GRIK1: variants seen among roughly 807,000 people sequenced by gnomAD.
GRIK1 encodes glutamate ionotropic receptor kainate type subunit 1, also known as glutamate receptor ionotropic, kainate 1.
A neutral mutation model predicts 105.7 loss-of-function variants in GRIK1; 69 were observed. The observed-to-expected ratio is 0.65, with a 90% CI of 0.54 to 0.80. The LOEUF (loss-of-function observed/expected upper bound fraction) is 0.80. GRIK1 is among the 30% of genes least tolerant of loss of function. The pLI is 0.00. For missense variants in GRIK1, 1,109 were observed against 1,167.3 expected (o/e 0.95, Z 0.73); for synonymous variants, 438 against 431.3 (o/e 1.02, Z -0.19).
chr21:29,926,886 C>T (rs2832488), intron 1 of GRIK1, among the ~76,000 whole-genome samples: 103,919 of 152,000 alleles, frequency 0.68, 35,724 homozygotes, highest in East Asian at 0.83. Flanking sequence ...TATCATACTG[C>T]CTATTTTCTC....
At chr21:29,889,157 A>C (rs2069795346) in intron 1 of GRIK1, among the ~76,000 whole-genome samples, 2 of 152,188 alleles carry the variant, frequency 1.3e-5, no homozygotes, top group Non-Finnish European at 1.5e-5. Context: ...TGACAACAGA[A>C]TACCAAATAA....
chr21:29,844,691 C>T (rs1022476413), intron 1 of GRIK1, among the ~76,000 whole-genome samples: 6 of 152,336 alleles, frequency 3.9e-5, no homozygotes, highest in Middle Eastern at 3.4e-3. Context: ...AATACCCTCA[C>T]ATATATTCTC....
At chr21:29,575,474 T>G (rs1370109890) in intron 14 of GRIK1, among the ~76,000 whole-genome samples, 2 of 151,796 alleles carry the variant, frequency 1.3e-5, no homozygotes, top group African/African-American at 4.8e-5. Context: ...GAAATAAGAA[T>G]GAAAGAAGAA....
At chr21:29,661,054 C>T (rs1216496979) in intron 4 of GRIK1, among the ~76,000 whole-genome samples, 1 of 152,072 alleles carries the variant, frequency 6.6e-6, no homozygotes, top group Non-Finnish European at 1.5e-5. Flanking sequence ...GCCTCTTTGG[C>T]CATGCAATTT....
At chr21:29,573,576 G>T (rs2090808835) in intron 14 of GRIK1, among the ~76,000 whole-genome samples, 1 of 151,908 alleles carries the variant, frequency 6.6e-6, no homozygotes, top group South Asian at 2.1e-4. Flanking sequence ...GGGGCCGGGC[G>T]CAGTGGCTCA....
At chr21:29,636,023 T>C (rs2062391734) in intron 7 of GRIK1, among the ~76,000 whole-genome samples, 1 of 152,192 alleles carries the variant, frequency 6.6e-6, no homozygotes, top group Admixed American at 6.5e-5. Flanking sequence ...AACTGTCTGC[T>C]AAGCCCAGAA....
At chr21:29,895,751 G>A (rs575844423) in intron 1 of GRIK1, among the ~76,000 whole-genome samples, 75 of 152,314 alleles carry the variant, frequency 4.9e-4, no homozygotes, top group African/African-American at 1.6e-3. Flanking sequence ...TTTGGAATCA[G>A]ACGTATAAGA....
At chr21:29,917,372 C>T (rs2071033547) in intron 1 of GRIK1, among the ~76,000 whole-genome samples, 1 of 151,992 alleles carries the variant, frequency 6.6e-6, no homozygotes, top group South Asian at 2.1e-4. Flanking sequence ...GTTTCTGCTG[C>T]CATTTTACTA....
intron 7 of GRIK1, among the ~76,000 whole-genome samples, chr21:29,642,315 A>G (rs363594): frequency 0.065 from 9,828 of 152,290 alleles, 434 homozygotes; most frequent in African/African-American, 0.12. Context: ...TTATGTGCTC[A>G]GTAGGTTTTG....
At chr21:29,697,085 T>A (rs763314543) in intron 1 of GRIK1, among the ~76,000 whole-genome samples, 3 of 152,232 alleles carry the variant, frequency 2.0e-5, no homozygotes, top group Non-Finnish European at 1.5e-5. Flanking sequence ...TGGGACTGAC[T>A]CAGTTGTCTG....
chr21:29,631,962 G>A (rs1380604810), intron 7 of GRIK1, among the ~76,000 whole-genome samples: 1 of 150,740 alleles, frequency 6.6e-6, no homozygotes, highest in Non-Finnish European at 1.5e-5. Context: ...ATTAAGTAAT[G>A]AAGCATTGTG....
rs73897678 is a variant in GRIK1, at chr21:29,547,206, A to G, written c.2607+7846T>C. ...GTCTGTAATGATTTGCTTATGATTC[A>G]TTAGATGGGAACCTTCTTGCTTCTT... On this transcript the variant is annotated intron_variant, in intron 16 of 17. Transcript: ENST00000327783. Among the ~76,000 whole-genome samples the G allele has an allele frequency of 4.3e-3, 654 of 152,286 alleles. 2 individuals are homozygous for G. The highest frequency in any genetic ancestry group is 0.015 in the African/African-American group (608 of 41,566).
intron 1 of GRIK1, chr21:29,758,710 C>T (rs997372901): frequency 6.6e-6 from 1 of 152,634 alleles, no homozygotes; most frequent in Non-Finnish European, 1.5e-5. Flanking sequence ...CCTGTATTTG[C>T]TTACATAGTC....
intron 1 of GRIK1, among the ~76,000 whole-genome samples, chr21:29,917,459 T>G (rs887235940): frequency 4.6e-5 from 7 of 152,046 alleles, no homozygotes; most frequent in Non-Finnish European, 7.4e-5. Context: ...GTGCCTTTAT[T>G]TTTATTCAGA....
chr21:29,743,159 A>G (rs1429350940), intron 1 of GRIK1, among the ~76,000 whole-genome samples: 2 of 152,190 alleles, frequency 1.3e-5, no homozygotes, highest in East Asian at 1.9e-4. Flanking sequence ...ATGTAAATGT[A>G]TACATACAGA....
intron 1 of GRIK1, among the ~76,000 whole-genome samples, chr21:29,740,744 A>T (rs2064906371): frequency 1.3e-5 from 2 of 152,192 alleles, no homozygotes; most frequent in Admixed American, 6.5e-5. Context: ...AAATATTTGA[A>T]AGTGCTCAAC....
At chr21:29,642,165 A>G (rs1347059564) in intron 7 of GRIK1, among the ~76,000 whole-genome samples, 3 of 152,164 alleles carry the variant, frequency 2.0e-5, no homozygotes, top group Non-Finnish European at 2.9e-5. Flanking sequence ...ATCGATAAGG[A>G]GTCACGGGGC....
intron 4 of GRIK1, among the ~76,000 whole-genome samples, chr21:29,662,966 T>C (rs1482474536): frequency 2.0e-5 from 3 of 152,222 alleles, no homozygotes; most frequent in Admixed American, 6.5e-5. Flanking sequence ...CACTGATTTA[T>C]ATTAACCAAG....
chr21:29,576,266 A>C (rs2090891057), intron 14 of GRIK1, among the ~76,000 whole-genome samples: 1 of 152,226 alleles, frequency 6.6e-6, no homozygotes, highest in Admixed American at 6.5e-5. Context: ...AAAGCGAGGC[A>C]GAAATCAGTT....
Sources: gnomAD v4.1 joint callset for allele counts (sites outside exome capture counted in the v4.1 genomes callset) on GRCh38, gnomAD v4.1.1 for gene constraint, MANE v1.5 for transcripts, NCBI Gene and HGNC (gene_info 2026-07-23, HGNC 2026-07-21) for gene names.